The following ANKRD36C variants were observed in gnomAD, a reference collection of about 807,000 sequenced individuals.
The protein encoded by ANKRD36C is ankyrin repeat domain 36C, also known as ankyrin repeat domain-containing protein 36C.
A neutral mutation model predicts 276.4 loss-of-function variants in ANKRD36C; 61 were observed. The observed-to-expected ratio is 0.22, with a 90% CI of 0.18 to 0.27. The LOEUF (loss-of-function observed/expected upper bound fraction) is 0.27. ANKRD36C is among the 10% of genes least tolerant of loss of function. The pLI is 1.00. For synonymous variants in ANKRD36C, 483 were observed against 680.1 expected (o/e 0.71, Z 4.51); for missense variants, 1,447 against 2,032.3 (o/e 0.71, Z 5.54).
chr2:95,885,078 T>C (rs1241850174), intron 52 of ANKRD36C, among the ~76,000 whole-genome samples: 1 of 152,044 alleles, frequency 6.6e-6, no homozygotes, highest in Non-Finnish European at 1.5e-5. Flanking sequence ...ATTATCAATT[T>C]TGACATACTT....
intron 38 of ANKRD36C, among the ~76,000 whole-genome samples, chr2:95,915,366 T>G (rs1677061601): frequency 6.6e-6 from 1 of 151,578 alleles, no homozygotes; most frequent in African/African-American, 2.4e-5. Flanking sequence ...ATTCAAGCAC[T>G]GTTTCCTGCT....
At chr2:95,874,133 C>G (rs1183725786) in intron 59 of ANKRD36C, among the ~76,000 whole-genome samples, 1 of 152,090 alleles carries the variant, frequency 6.6e-6, no homozygotes, top group Admixed American at 6.5e-5. Flanking sequence ...AATGCCATCA[C>G]CATCAAGCTC....
intron 6 of ANKRD36C, among the ~76,000 whole-genome samples, chr2:95,968,140 GA>G (rs1195474050): frequency 1.3e-5 from 2 of 151,864 alleles, no homozygotes; most frequent in Non-Finnish European, 2.9e-5. Context: ...GACCTTGTAG[GA>G]AAAAAAGTAT....
chr2:95,861,393 T>G (rs1363423956), intron 60 of ANKRD36C, among the ~76,000 whole-genome samples: 1 of 150,854 alleles, frequency 6.6e-6, no homozygotes, highest in Non-Finnish European at 1.5e-5. Context: ...GAAAAAAAAT[T>G]AAAGAAAAAA....
chr2:95,914,581 C>T (rs772046914), intron 38 of ANKRD36C, among the ~76,000 whole-genome samples: 2 of 151,368 alleles, frequency 1.3e-5, no homozygotes, highest in East Asian at 2.0e-4. Flanking sequence ...GTGCATAGGC[C>T]GGGTGATGAG....
At chr2:95,883,631 G>T (rs1247716359) in intron 54 of ANKRD36C, among the ~76,000 whole-genome samples, 1 of 151,998 alleles carries the variant, frequency 6.6e-6, no homozygotes, top group Non-Finnish European at 1.5e-5. Context: ...ATTTGAATAT[G>T]CATCTGAACT....
chr2:95,902,763 A>T (rs2104380449), intron 42 of ANKRD36C, 123 bp downstream of exon 54: 1 of 1,242,772 alleles, frequency 8.0e-7, no homozygotes, highest in East Asian at 2.7e-5. Context: ...TTTGAAATGA[A>T]GAATCTCAGG....
rs1455578509 is a variant in ANKRD36C, at chr2:95,988,940, G to T, written c.198-1734C>A. ...CCCAGAACTTTGGGAGGCCGAGGCG[G>T]GGGGATCACCTGAGGTCAGGAGTTT... On this transcript the variant is annotated intron_variant, in intron 1 of 66. Transcript: ENST00000456556. Among the ~76,000 whole-genome samples the T allele has an allele frequency of 2.6e-5, 4 of 152,112 alleles. No individual in the cohort carries two copies. The East Asian group carries it at 7.7e-4, about 29-fold the overall frequency.
In ANKRD36C at chr2:95,893,405, A is replaced by G; in HGVS notation, c.2756-1545T>C. 4 of 1,345,094 alleles carry G rather than the reference A, an allele frequency of 3.0e-6. No homozygotes were observed. The East Asian group carries it at 7.6e-5, about 25-fold the overall frequency. 83.3% of individuals were successfully genotyped at this position (1,345,094 alleles called of 1,614,324 possible). On this transcript the variant is annotated intron_variant, in intron 44 of 66. Transcript: ENST00000456556. ...CAGCATCACCCAAGAACTTACTACA[A>G]ATGAAGAATCTCCGGCCTGCTGAAT...
At chr2:95,902,316 TTG>T (rs1676678796) in intron 42 of ANKRD36C, among the ~76,000 whole-genome samples, 1 of 149,078 alleles carries the variant, frequency 6.7e-6, no homozygotes, top group East Asian at 2.0e-4. Context: ...AATCAAATAT[TTG>T]TTATGAAAAT....
At chr2:95,901,905 T>C (rs1256711020) in intron 42 of ANKRD36C, among the ~76,000 whole-genome samples, 2 of 148,798 alleles carry the variant, frequency 1.3e-5, no homozygotes, top group Non-Finnish European at 3.0e-5. Flanking sequence ...AAAAATATCA[T>C]CAATTATCAA....
intron 10 of ANKRD36C, among the ~76,000 whole-genome samples, chr2:95,959,771 T>C (rs1678412608): frequency 7.3e-6 from 1 of 137,648 alleles, no homozygotes; most frequent in South Asian, 2.3e-4. Context: ...GACTAACTGA[T>C]AACAACAAAA....
At chr2:95,948,832 C>T (rs532044088) in intron 16 of ANKRD36C, among the ~76,000 whole-genome samples, 1 of 152,176 alleles carries the variant, frequency 6.6e-6, no homozygotes, top group African/African-American at 2.4e-5. Flanking sequence ...TATGAAATAT[C>T]CAATGCAGAC....
intron 52 of ANKRD36C, among the ~76,000 whole-genome samples, chr2:95,884,987 C>T (rs954751231): frequency 6.6e-6 from 1 of 152,006 alleles, no homozygotes; most frequent in African/African-American, 2.4e-5. Context: ...TTCTTGTATC[C>T]ACTCGTTTAG....
At chr2:95,912,521 T>C in intron 40 of ANKRD36C, 86 bp from the exon 43 acceptor site, 1 of 1,588,914 alleles carries the variant, frequency 6.3e-7, no homozygotes, top group Non-Finnish European at 8.5e-7. Context: ...CATCAACCTC[T>C]GACCTCCTGC....
chr2:95,931,800 T>G (rs2918909), intron 24 of ANKRD36C, among the ~76,000 whole-genome samples: 3,780 of 137,662 alleles, frequency 0.027, 124 homozygotes, highest in African/African-American at 0.09. Flanking sequence ...CATTTGTAAT[T>G]AAAATTCCTC....
At chr2:95,922,107 C>A (rs1394079102) in intron 32 of ANKRD36C, among the ~76,000 whole-genome samples, 1 of 151,518 alleles carries the variant, frequency 6.6e-6, no homozygotes, top group African/African-American at 2.4e-5. Context: ...CAAATGTGAT[C>A]AAAAATCAGA....
chr2:95,935,304 T>C, intron 24 of ANKRD36C, 150 bp downstream of exon 24: 2 of 882,140 alleles, frequency 2.3e-6, no homozygotes, highest in Non-Finnish European at 3.2e-6. Context: ...AAATATCATT[T>C]TATAAGCATA....
chr2:95,869,610 T>A (rs1308246944), intron 59 of ANKRD36C, among the ~76,000 whole-genome samples: 1 of 152,198 alleles, frequency 6.6e-6, no homozygotes, highest in Non-Finnish European at 1.5e-5. Flanking sequence ...TTTCTGCATT[T>A]CCATCTGAGG....
Sources: allele counts gnomAD v4.1 joint callset (sites outside exome capture counted in the v4.1 genomes callset), GRCh38; gene constraint gnomAD v4.1.1; transcripts MANE v1.5; gene names NCBI Gene and HGNC (gene_info 2026-07-23, HGNC 2026-07-21).